The following EPS15 variants were observed in gnomAD, a reference collection of about 807,000 sequenced individuals.
EPS15 encodes epidermal growth factor receptor substrate 15.
In EPS15, 72 loss-of-function variants were observed where a neutral mutation model predicts 113.8. The ratio of observed to expected loss-of-function variants is 0.63; its 90% confidence interval spans 0.52 to 0.77. The LOEUF (loss-of-function observed/expected upper bound fraction) is 0.77. Ranked by LOEUF, EPS15 falls within the 30% of genes least tolerant of loss-of-function variation. EPS15 has a pLI of 0.00. For synonymous variants in EPS15, 344 were observed against 363.4 expected (o/e 0.95, Z 0.61); for missense variants, 1,048 against 1,045.8 (o/e 1.00, Z -0.03).
At chr1:51,444,520 C>T (rs1652852622) in intron 11 of EPS15, among the ~76,000 whole-genome samples, 1 of 152,128 alleles carries the variant, frequency 6.6e-6, no homozygotes, top group African/African-American at 2.4e-5. Flanking sequence ...AAATCTGTAT[C>T]ATTTTATGTA....
At chr1:51,368,587 C>T (rs954508902) in intron 21 of EPS15, among the ~76,000 whole-genome samples, 2 of 148,874 alleles carry the variant, frequency 1.3e-5, no homozygotes, top group African/African-American at 2.5e-5. Flanking sequence ...TGTTATTTTT[C>T]TTTTTTGTTT....
Position 51,388,737 on chromosome 1 carries a change from C to G in EPS15, c.2119+5644G>C, listed in dbSNP as rs368360175. On this transcript the variant is annotated intron_variant, in intron 21 of 24. Coordinates refer to ENST00000371733, the MANE Select transcript of EPS15 (RefSeq NM_001981.3). Reference sequence around the variant, plus strand: ...ATCTAGAAGAAATGGATAAATTCCTCGACACATACACCCTCCCAAGACTAA... The same window carrying G: ...ATCTAGAAGAAATGGATAAATTCCTGGACACATACACCCTCCCAAGACTAA... Among the ~76,000 whole-genome samples, 19 of 152,118 alleles carry G rather than the reference C, an allele frequency of 1.2e-4. No individual in the cohort carries two copies. In the East Asian group the frequency reaches 1.4e-3, roughly 11 times the overall value.
At chr1:51,498,938 A>G (rs1251292816) in intron 1 of EPS15, among the ~76,000 whole-genome samples, 2 of 152,156 alleles carry the variant, frequency 1.3e-5, no homozygotes, top group Non-Finnish European at 2.9e-5. Context: ...TGTGAATGCA[A>G]TTTAGGTACG....
At chr1:51,406,350 C>T (rs756360524) in intron 15 of EPS15, among the ~76,000 whole-genome samples, 7 of 152,066 alleles carry the variant, frequency 4.6e-5, no homozygotes, top group African/African-American at 9.7e-5. Flanking sequence ...ATGGAGTGCA[C>T]CTGTAGTCCC....
chr1:51,396,747 CTA>C (rs372180044), intron 20 of EPS15, among the ~76,000 whole-genome samples: 1 of 152,098 alleles, frequency 6.6e-6, no homozygotes, highest in African/African-American at 2.4e-5. Context: ...CCACAAAACT[CTA>C]TGTCAGTTTG....
At chr1:51,403,731 GT>G (rs1648810654) in intron 16 of EPS15, among the ~76,000 whole-genome samples, 199 bp from the exon 17 acceptor site, 1 of 152,120 alleles carries the variant, frequency 6.6e-6, no homozygotes, top group African/African-American at 2.4e-5. Context: ...AAACCTTCAG[GT>G]CATCTTTAAT....
chr1:51,420,218 TTC>T (rs140455736), intron 13 of EPS15, among the ~76,000 whole-genome samples: 345 of 152,246 alleles, frequency 2.3e-3, no homozygotes, highest in Non-Finnish European at 3.4e-3. Flanking sequence ...CACGGAGAAA[TTC>T]TGATGGACAA....
intron 21 of EPS15, among the ~76,000 whole-genome samples, chr1:51,375,976 G>T (rs1375085156): frequency 1.3e-5 from 2 of 152,240 alleles, no homozygotes; most frequent in Non-Finnish European, 1.5e-5. Context: ...TACAGAAGTT[G>T]CAGCAAGTTA....
chr1:51,399,950 A>C (rs1208300545), intron 19 of EPS15, among the ~76,000 whole-genome samples: 1 of 152,192 alleles, frequency 6.6e-6, no homozygotes, highest in Non-Finnish European at 1.5e-5. Flanking sequence ...ATTTTGATAA[A>C]AGATACAGAA....
At position 51,361,497 on chromosome 1, in the gene EPS15, TA is replaced by T. The variant is rs1270063236; in HGVS notation, c.2360-143del. 5 of 589,768 alleles carry T rather than the reference TA, an allele frequency of 8.5e-6. No homozygotes were observed. In the African/African-American group the frequency reaches 9.5e-5, roughly 11 times the overall value. 36.5% of individuals were successfully genotyped at this position (589,768 alleles called of 1,614,324 possible). ...AACACATTCTGAATATTGTCTTAAATAGCTACACCAACAATTTGTCCTCAAA... is the reference window on the plus strand; with the variant it reads ...AACACATTCTGAATATTGTCTTAAATGCTACACCAACAATTTGTCCTCAAA... On this transcript the variant is annotated intron_variant, in intron 23 of 24. Coordinates refer to ENST00000371733, the MANE Select transcript of EPS15 (RefSeq NM_001981.3).
chr1:51,389,854 T>C (rs1647210158), intron 21 of EPS15, among the ~76,000 whole-genome samples: 1 of 152,204 alleles, frequency 6.6e-6, no homozygotes. Flanking sequence ...TGTTCATGGG[T>C]AGGAAGAATC....
At position 51,423,636 on chromosome 1, in the gene EPS15, C is replaced by T. The variant is rs1369388819; in HGVS notation, c.1041-1778G>A. ...TAGAAAACACTACAGTGTCACAGAT[C>T]AGCAGTGCACACATTTGTACTGAAT... On this transcript the variant is annotated intron_variant, in intron 12 of 24. Transcript: ENST00000371733. The T allele has an allele frequency of 4.1e-6, 4 of 985,218 alleles. No individual in the cohort carries two copies. In the East Asian group the frequency reaches 4.5e-4, roughly 112 times the overall value. The allele number at this position is 985,218 out of a possible 1,614,324, so 61.0% of individuals were successfully genotyped here.
chr1:51,421,824 T>C lies in EPS15; in HGVS notation c.1075A>G (p.Lys359Glu), dbSNP rs1266048485. Residue 359 changes from lysine to glutamate, a missense_variant, in exon 13 of 25, where the codon AAG becomes GAG. By Grantham distance (56) the Lys-to-Glu change is moderately conservative. Transcript: ENST00000371733. ...KNNVEQDLKE[K>E]EDTIKQRTSE... ...GTCCTCTGTTTAATAGTATCTTCCT[T>C]CTCCTTAAGGTCCTGTTCCACATTA... is the stretch of plus-strand genomic sequence containing the variant. 1.2e-6 allele frequency: 2 copies of C among 1,608,134 alleles called. No individual in the cohort carries two copies. The highest frequency in any genetic ancestry group is 1.7e-6 in the Non-Finnish European group (2 of 1,176,840).
chr1:51,421,440 A>AT (rs1557452377), intron 13 of EPS15, among the ~76,000 whole-genome samples: 12 of 152,100 alleles, frequency 7.9e-5, no homozygotes, highest in African/African-American at 2.7e-4. Flanking sequence ...GATGATGATG[A>AT]GATGATGATC....
intron 20 of EPS15, among the ~76,000 whole-genome samples, chr1:51,394,854 T>A (rs1285994900): frequency 3.3e-5 from 5 of 152,114 alleles, no homozygotes; most frequent in Non-Finnish European, 7.3e-5. Context: ...GTACACTGTT[T>A]TAACTTTTTA....
In EPS15 at chr1:51,451,007, GTTTGTTGTGGATAGCC is replaced by G. The variant is rs572411599; in HGVS notation, c.562-2888_562-2873del. ...AAATTATATACTTAAATTGGATGCA[GTTTGTTGTGGATAGCC>G]TTGAATAATGCTAACCAGGAAAAAA... On this transcript the variant is annotated intron_variant, in intron 8 of 24. Coordinates refer to ENST00000371733, the MANE Select transcript of EPS15 (RefSeq NM_001981.3). Among the ~76,000 whole-genome samples, 49 of 151,924 alleles carry G rather than the reference GTTTGTTGTGGATAGCC, an allele frequency of 3.2e-4. 1 individual carries two copies. Among genetic ancestry groups the G allele is most frequent in the African/African-American group, 9.5e-4 (39 of 41,218 alleles).
At chr1:51,499,568 T>C (rs1166302568) in intron 1 of EPS15, among the ~76,000 whole-genome samples, 2 of 152,208 alleles carry the variant, frequency 1.3e-5, no homozygotes, top group Non-Finnish European at 2.9e-5. Flanking sequence ...TCATTTTACA[T>C]TCCCATGAGC....
intron 5 of EPS15, among the ~76,000 whole-genome samples, chr1:51,468,042 T>C (rs1174319386): frequency 2.6e-5 from 4 of 152,262 alleles, no homozygotes; most frequent in Non-Finnish European, 5.9e-5. Flanking sequence ...CATTGCAGCC[T>C]TGAGCTCCCA....
intron 1 of EPS15, among the ~76,000 whole-genome samples, chr1:51,502,758 A>C (rs1644434702): frequency 6.6e-6 from 1 of 152,142 alleles, no homozygotes; most frequent in Non-Finnish European, 1.5e-5. Flanking sequence ...TAATCACAGC[A>C]CTTTGGGAGG....
Sources: allele counts gnomAD v4.1 joint callset (sites outside exome capture counted in the v4.1 genomes callset), GRCh38; gene constraint gnomAD v4.1.1; transcripts MANE v1.5; gene names NCBI Gene and HGNC (gene_info 2026-07-23, HGNC 2026-07-21).